Variants in MUC5B observed in about 807,000 individuals in gnomAD.
The protein encoded by MUC5B is mucin 5B, oligomeric mucus/gel-forming.
Under a neutral mutation model 376.9 loss-of-function variants are expected in MUC5B, and 116 were observed. The observed-to-expected ratio is 0.31, with a 90% CI of 0.26 to 0.36. The LOEUF is 0.36. Among genes scored for constraint, MUC5B ranks in the 10% least tolerant of loss-of-function variants. The probability of loss-of-function intolerance (pLI) is 1.00; values close to 1 mark genes in which losing one functional copy is unlikely to be tolerated. For synonymous variants in MUC5B, 3,517 were observed against 3,390.9 expected (o/e 1.04, Z -1.29); for missense variants, 7,165 against 7,769.9 (o/e 0.92, Z 2.93).
rs1862819093 is a variant in MUC5B, at chr11:1,255,562, A to G, written c.16066+4A>G. 6.6e-7 allele frequency: 1 copy of G among 1,520,016 alleles called. No homozygotes were observed. The allele number at this position is 1,520,016 out of a possible 1,614,324, so 94.2% of individuals were successfully genotyped here. A position where few individuals can be genotyped will look rare whatever the true frequency, so the allele number is the denominator to read the frequency against. On this transcript the variant is annotated splice_donor_region_variant and intron_variant, in intron 37 of 48. Transcript: ENST00000529681. ...GGTGCAACCGGTGGCCTGTGCGGTG[A>G]GTGGGGGCGGCCCCGGGCCCCCCAG...
In MUC5B at chr11:1,248,713, C is replaced by G. The variant is rs1320525335; in HGVS notation, c.11833C>G (p.Pro3945Ala). ...TAGCACACAGACCAGTGGTACTCCC[C>G]CATCACTGATCACCACGGCCACTAC... ...SSSTQTSGTP[P>A]SLITTATTIT... The change falls in exon 31 of 49, where the codon CCA becomes GCA. Residue 3945 changes from proline to alanine, a missense_variant. Physicochemically the swap from Pro to Ala is conservative, Grantham distance 27 (BLOSUM62 -1). Around this residue, in one of 31 missense-constraint regions of MUC5B, gnomAD observed 242 missense variants for 199.0 expected, o/e 1.22. Transcript: ENST00000529681. The G allele has an allele frequency of 1.3e-6, 2 of 1,570,068 alleles. No individual in the cohort carries two copies. The highest frequency in any genetic ancestry group is 8.6e-7 in the Non-Finnish European group (1 of 1,158,210).
chr11:1,258,491 G>C lies in MUC5B; in HGVS notation c.16593+124G>C. The C allele has an allele frequency of 8.6e-7, 1 of 1,169,288 alleles. No homozygotes were observed. Among genetic ancestry groups the C allele is most frequent in the Non-Finnish European group, 1.2e-6 (1 of 835,298 alleles). 72.4% of individuals were successfully genotyped at this position (1,169,288 alleles called of 1,614,324 possible). ...TGCCCTGAGGGCCGATCCGCACAGGGGCCCTGGACACGTCAGAGCTGGGAC... is the reference window on the plus strand; with the variant it reads ...TGCCCTGAGGGCCGATCCGCACAGGCGCCCTGGACACGTCAGAGCTGGGAC... On this transcript the variant is annotated intron_variant, in intron 43 of 48. Transcript: ENST00000529681. The surrounding 1 kb of genome is among the most constrained non-coding windows in gnomAD (Gnocchi z 5.5).
In MUC5B at chr11:1,257,134, T is replaced by A; in HGVS notation, c.16238-106T>A. 1.3e-6 allele frequency: 1 copy of A among 752,778 alleles called. No individual in the cohort carries two copies. The highest frequency in any genetic ancestry group is 2.5e-6 in the Non-Finnish European group (1 of 403,458). 46.6% of individuals were successfully genotyped at this position (752,778 alleles called of 1,614,324 possible). On this transcript the variant is annotated intron_variant, in intron 39 of 48. Transcript: ENST00000529681. This position sits in a 1 kb window ranked among gnomAD's most constrained non-coding sequence, Gnocchi z 8.9. ...CCCAAAAGTTCTCCAGGGCCTTCCA[T>A]CCCGGGGGGAAGCAGGCTCCAGGCC...
intron 18 of MUC5B, 124 bp from the exon 19 acceptor site, chr11:1,233,669 T>C (rs1862086625): frequency 1.1e-6 from 1 of 902,308 alleles, no homozygotes; most frequent in South Asian, 1.4e-5. Context: ...GCAGGCACCG[T>C]CTGGCCTTAC....
At position 1,257,405 on chromosome 11, in the gene MUC5B, C is replaced by T. The variant is rs1354161472; in HGVS notation, c.16270-125C>T. On this transcript the variant is annotated intron_variant, in intron 40 of 48. Coordinates refer to ENST00000529681, the MANE Select transcript of MUC5B (RefSeq NM_002458.3). This position sits in a 1 kb window ranked among gnomAD's most constrained non-coding sequence, Gnocchi z 8.9. ...CGTGGACGTGCCAGTGGCTGGTGTG[C>T]GCTTCCTGCCCCATCACTCTGGGCC... 1.5e-5 allele frequency: 17 copies of T among 1,169,290 alleles called. No individual in the cohort carries two copies. The East Asian group carries it at 1.5e-4, about 10-fold the overall frequency. 72.4% of individuals were successfully genotyped at this position (1,169,290 alleles called of 1,614,324 possible).
At position 1,242,060 on chromosome 11, in the gene MUC5B, C is replaced by A. The variant is rs1447243561; in HGVS notation, c.5180C>A (p.Ala1727Asp). The A allele has an allele frequency of 6.2e-6, 10 of 1,600,232 alleles. No individual in the cohort carries two copies. The highest frequency in any genetic ancestry group is 1.3e-5 in the African/African-American group (1 of 74,488). ...LAPTTMATSRARPTGTASTAS... is the reference protein window; with the variant it reads ...LAPTTMATSRDRPTGTASTAS... ...CCAACAACAATGGCAACCTCCAGAG[C>A]TCGCCCGACAGGCACAGCCAGCACC... is the stretch of plus-strand genomic sequence containing the variant. The change falls in exon 31 of 49, where the codon GCT (alanine) becomes GAT (aspartate). Residue 1727 changes from alanine to aspartate, a missense_variant. Transcript: ENST00000529681.
At chr11:1,235,522 T>C (rs1564935433) in intron 23 of MUC5B, 109 bp downstream of exon 23, 7 of 946,464 alleles carry the variant, frequency 7.4e-6, no homozygotes, top group South Asian at 1.4e-5. Flanking sequence ...AGCAGTGTCC[T>C]GGCCCCGGGC....
At position 1,238,740 on chromosome 11, in the gene MUC5B, C is replaced by T. The variant is rs181135446; in HGVS notation, c.3298-131C>T. On this transcript the variant is annotated intron_variant, in intron 25 of 48. Coordinates refer to ENST00000529681, the MANE Select transcript of MUC5B (RefSeq NM_002458.3). ...GGGCACGCTCTGAGGTATTCCAGGC[C>T]CCAGGAGCTCAGAGAGCTGCCATGG... 8.9e-4 allele frequency: 911 copies of T among 1,028,388 alleles called. 2 individuals are homozygous for T. The African/African-American group carries it at 0.013, about 14-fold the overall frequency. 63.7% of individuals were successfully genotyped at this position (1,028,388 alleles called of 1,614,324 possible). A position where few individuals can be genotyped will look rare whatever the true frequency, so the allele number is the denominator to read the frequency against.
rs570753442 is a variant in MUC5B at position 1,258,446 on chromosome 11, A to G, written c.16593+79A>G. ...GATGCCCCGGGGCTCTCTGAGCCCC[A>G]CTCCTTGTCTTGACATTCCTGCCCT... On this transcript the variant is annotated intron_variant, in intron 43 of 48. Coordinates refer to ENST00000529681, the MANE Select transcript of MUC5B (RefSeq NM_002458.3). The surrounding 1 kb of genome is among the most constrained non-coding windows in gnomAD (Gnocchi z 5.5). 3.3e-5 allele frequency: 50 copies of G among 1,498,860 alleles called. No individual in the cohort carries two copies. The African/African-American group carries it at 5.7e-4, about 17-fold the overall frequency. The allele number at this position is 1,498,860 out of a possible 1,614,324, so 92.8% of individuals were successfully genotyped here. A position where few individuals can be genotyped will look rare whatever the true frequency, so the allele number is the denominator to read the frequency against.
rs753835109 is a variant in MUC5B at position 1,242,658 on chromosome 11, G to C, written c.5778G>C (p.Pro1926=). The C allele has an allele frequency of 4.3e-6, 7 of 1,612,052 alleles. No individual in the cohort carries two copies. The African/African-American group carries it at 6.7e-5, about 16-fold the overall frequency. ...CGTCCACTGGATCCACGGCCACCCCGACCTCCACCCTGAGAACAGCTCCCC... is the reference window on the plus strand; with the variant it reads ...CGTCCACTGGATCCACGGCCACCCCCACCTCCACCCTGAGAACAGCTCCCC... ...TTASTGSTAT[P]TSTLRTAPPP... Residue 1926 remains proline, a synonymous_variant, in exon 31 of 49, where the codon CCG becomes CCC. Coordinates refer to ENST00000529681, the MANE Select transcript of MUC5B (RefSeq NM_002458.3).
chr11:1,236,821 C>A, intron 24 of MUC5B, 104 bp from the exon 25 acceptor site: 1 of 1,355,978 alleles, frequency 7.4e-7, no homozygotes, highest in Non-Finnish European at 9.6e-7. Context: ...GCTGCCCTCC[C>A]TCCATCCCCC....
At chr11:1,226,966 G>A in intron 4 of MUC5B, 65 bp from the exon 5 acceptor site, 5 of 1,569,678 alleles carry the variant, frequency 3.2e-6, no homozygotes, top group African/African-American at 1.3e-5. Flanking sequence ...CAGGGCTGGG[G>A]GGGGGTTGGG....
intron 34 of MUC5B, 138 bp from the exon 35 acceptor site, chr11:1,254,556 C>T: frequency 1.6e-6 from 2 of 1,213,590 alleles, no homozygotes; most frequent in Non-Finnish European, 2.3e-6. Context: ...TCCAGGCCCC[C>T]AGGGAAGATC....
chr11:1,247,231 A>G lies in MUC5B; in HGVS notation c.10351A>G (p.Thr3451Ala). The G allele has an allele frequency of 6.2e-7, 1 of 1,611,890 alleles. No individual in the cohort carries two copies. Among genetic ancestry groups the G allele is most frequent in the Middle Eastern group, 1.8e-4 (1 of 5,476 alleles). The change falls in exon 31 of 49, where the codon ACG becomes GCG. Residue 3451 changes from threonine (T) to alanine (A), a missense_variant. Physicochemically the swap from Thr to Ala is moderately conservative, Grantham distance 58. Coordinates refer to ENST00000529681, the MANE Select transcript of MUC5B (RefSeq NM_002458.3). The part of the protein sequence containing the change: ...TTHTPPVPNT[T>A]ATTHGRSLPP... ...CCACACACCCCCAGTGCCGAACACC[A>G]CGGCCACCACACACGGGCGGTCCCT...
Position 1,236,417 on chromosome 11 carries a change from T to C in MUC5B, c.2912T>C (p.Phe971Ser). The change falls in exon 24 of 49, where the codon TTT (phenylalanine) becomes TCT (serine). Residue 971 changes from phenylalanine (F) to serine (S), a missense_variant. Physicochemically the swap from Phe to Ser is radical, Grantham distance 155 (BLOSUM62 -2). Around this residue, in one of 31 missense-constraint regions of MUC5B, gnomAD observed 530 missense variants for 604.0 expected, o/e 0.88. Coordinates refer to ENST00000529681, the MANE Select transcript of MUC5B (RefSeq NM_002458.3). ...GAGCTGATCCTCCAAGAGGGGACCT[T>C]TAAGGCGGTGGCGAGAGGGCCGGGT... is the stretch of plus-strand genomic sequence containing the variant. ...SYELILQEGT[F>S]KAVARGPGGD... is the part of the protein sequence containing the mutation. The C allele has an allele frequency of 6.2e-7, 1 of 1,612,208 alleles. No individual in the cohort carries two copies. The highest frequency in any genetic ancestry group is 1.7e-4 in the Middle Eastern group (1 of 6,060).
intron 44 of MUC5B, among the ~76,000 whole-genome samples, chr11:1,259,335 G>A (rs889110086): frequency 3.3e-5 from 5 of 151,822 alleles, no homozygotes; most frequent in Admixed American, 1.3e-4. Context: ...AGTGAGACCC[G>A]AGGCACCTGC....
At position 1,234,211 on chromosome 11, in the gene MUC5B, C is replaced by T. The variant is rs1169073038; in HGVS notation, c.2384C>T (p.Ala795Val). 4 of 1,600,796 alleles carry T rather than the reference C, an allele frequency of 2.5e-6. No homozygotes were observed. The Admixed American group carries it at 6.8e-5, about 27-fold the overall frequency. ...GASLQKSTGC[A>V]APMVYLDCSN... ...CACCAAGCTCTGTCCCCAGGGTGTG[C>T]AGCCCCCATGGTGTACCTGGACTGC... Residue 795 changes from alanine to valine, a missense_variant, in exon 20 of 49, where the codon GCA (alanine) becomes GTA (valine). Physicochemically the swap from Ala to Val is moderately conservative, Grantham distance 64. Around this residue, in one of 31 missense-constraint regions of MUC5B, gnomAD observed 530 missense variants for 604.0 expected, o/e 0.88. Transcript: ENST00000529681. The surrounding 1 kb of genome is among the most constrained non-coding windows in gnomAD (Gnocchi z 6.3).
rs756359646 is a variant in MUC5B, at chr11:1,230,014, C to T, written c.1230C>T (p.Ser410=). The change falls in exon 11 of 49, where the codon TCC becomes TCT. Residue 410 remains serine (S), a synonymous_variant. Transcript: ENST00000529681. ...FNTTCSSCTC[S]GGLWQCQDLP... is the part of the protein sequence containing the mutation. ...CGGCCTCCCTCCCCAGCACCTGCTC[C>T]GGGGGGCTATGGCAGTGCCAGGACC... is the stretch of plus-strand genomic sequence containing the variant. 1.3e-5 allele frequency: 21 copies of T among 1,598,000 alleles called. No individual in the cohort carries two copies. The highest frequency in any genetic ancestry group is 6.7e-5 in the East Asian group (3 of 44,698).
chr11:1,253,102 AT>A lies in MUC5B; in HGVS notation c.15217+123del. 2.6e-6 allele frequency: 1 copy of A among 380,420 alleles called. No individual in the cohort carries two copies. Among genetic ancestry groups the A allele is most frequent in the Non-Finnish European group, 4.9e-6 (1 of 205,550 alleles). The allele number at this position is 380,420 out of a possible 1,614,324, so 23.6% of individuals were successfully genotyped here. Reference sequence around the variant, plus strand: ...GGGGTGCAGTGGGGAATGGTGGGGCATGGTGGGGCATGGTGGGGTGCAGTGG... The same window carrying A: ...GGGGTGCAGTGGGGAATGGTGGGGCAGGTGGGGCATGGTGGGGTGCAGTGG... On this transcript the variant is annotated intron_variant, in intron 33 of 48. Coordinates refer to ENST00000529681, the MANE Select transcript of MUC5B (RefSeq NM_002458.3). The surrounding 1 kb of genome is among the most constrained non-coding windows in gnomAD (Gnocchi z 4.3).
Sources: allele counts gnomAD v4.1 joint callset (sites outside exome capture counted in the v4.1 genomes callset), GRCh38; gene constraint gnomAD v4.1.1; regional missense constraint gnomAD v4.1.1; non-coding constraint Gnocchi (gnomAD v3.1); transcripts MANE v1.5; gene names NCBI Gene and HGNC (gene_info 2026-07-23, HGNC 2026-07-21).